The following SNX1 variants were observed in gnomAD, a reference collection of about 807,000 sequenced individuals.
SNX1 encodes the protein sorting nexin 1.
A neutral mutation model predicts 71.8 loss-of-function variants in SNX1; 36 were observed. The observed-to-expected ratio is 0.50, with a 90% CI of 0.38 to 0.66. The LOEUF is 0.66. SNX1 is among the 30% of genes least tolerant of loss of function. The pLI is 0.00. For synonymous variants in SNX1, 254 were observed against 240.7 expected, an observed-to-expected ratio of 1.06 and a Z score of -0.51; for missense variants, 612 against 646.7, an observed-to-expected ratio of 0.95 and a Z score of 0.58.
At chr15:64,121,640 A>G (rs967005542) in intron 4 of SNX1, among the ~76,000 whole-genome samples, 4 of 152,288 alleles carry the variant, frequency 2.6e-5, no homozygotes, top group South Asian at 2.1e-4. Flanking sequence ...AAATGTACCT[A>G]TTTTGAAGGG....
intron 12 of SNX1, among the ~76,000 whole-genome samples, chr15:64,135,564 T>C (rs915140527): frequency 6.6e-6 from 1 of 151,024 alleles, no homozygotes; most frequent in Non-Finnish European, 1.5e-5. Flanking sequence ...GAGACCATCT[T>C]GGCCAACATG....
intron 1 of SNX1, among the ~76,000 whole-genome samples, chr15:64,108,465 G>A (rs745672201): frequency 2.0e-5 from 3 of 152,036 alleles, no homozygotes; most frequent in Admixed American, 6.6e-5. Context: ...CTCAAATCTC[G>A]TGGAAGACTT....
intron 1 of SNX1, 71 bp downstream of exon 1, chr15:64,096,243 G>C: frequency 6.6e-7 from 1 of 1,508,708 alleles, no homozygotes; most frequent in South Asian, 1.2e-5. Flanking sequence ...AGCGAGAATC[G>C]GGGAGGTTGG....
chr15:64,100,437 T>G (rs1180953244), intron 1 of SNX1, among the ~76,000 whole-genome samples: 1 of 151,920 alleles, frequency 6.6e-6, no homozygotes, highest in Non-Finnish European at 1.5e-5. Flanking sequence ...CTGTTTCTAC[T>G]AAAAACACAA....
chr15:64,104,002 A>G (rs2080991404), intron 1 of SNX1, among the ~76,000 whole-genome samples: 1 of 152,216 alleles, frequency 6.6e-6, no homozygotes, highest in South Asian at 2.1e-4. Context: ...ACATACATCA[A>G]GTGGTCACAT....
At position 64,137,815 on chromosome 15, in the gene SNX1, G is replaced by T. The variant is rs2081374977; in HGVS notation, c.*197G>T. On this transcript the variant is annotated 3_prime_UTR_variant, in exon 15 of 15. Transcript: ENST00000559844. ...TCCATATATATTTTCTTACCTAAGAGAATAGTTTCCTGCTTTAAGCAAAAG... is the reference window on the plus strand; with the variant it reads ...TCCATATATATTTTCTTACCTAAGATAATAGTTTCCTGCTTTAAGCAAAAG... 3 of 1,422,000 alleles carry T rather than the reference G, an allele frequency of 2.1e-6. No individual in the cohort carries two copies. Among genetic ancestry groups the T allele is most frequent in the Middle Eastern group, 1.8e-4 (1 of 5,458 alleles). The allele number at this position is 1,422,000 out of a possible 1,614,324, so 88.1% of individuals were successfully genotyped here. A position where few individuals can be genotyped will look rare whatever the true frequency, so the allele number is the denominator to read the frequency against.
In SNX1 at chr15:64,142,579, A is replaced by G; in HGVS notation, c.*4961A>G. 2.2e-6 allele frequency: 1 copy of G among 454,466 alleles called. No individual in the cohort carries two copies. The highest frequency in any genetic ancestry group is 1.6e-5 in the South Asian group (1 of 64,408). 28.2% of individuals were successfully genotyped at this position (454,466 alleles called of 1,614,324 possible). ...AGGAAAGAATCTGTAGGTGGAGGGGAGGCCGAAGAGGGGAAGTTTCATGCT... is the reference window on the plus strand; with the variant it reads ...AGGAAAGAATCTGTAGGTGGAGGGGGGGCCGAAGAGGGGAAGTTTCATGCT... On this transcript the variant is annotated 3_prime_UTR_variant, in exon 15 of 15. Transcript: ENST00000559844.
chr15:64,134,866 G>A lies in SNX1; in HGVS notation c.1365+59G>A. 3.1e-6 allele frequency: 5 copies of A among 1,594,884 alleles called. No individual in the cohort carries two copies. Among genetic ancestry groups the A allele is most frequent in the Non-Finnish European group, 4.3e-6 (5 of 1,170,346 alleles). On this transcript the variant is annotated intron_variant, in intron 12 of 14. Transcript: ENST00000559844. The surrounding 1 kb of genome is among the most constrained non-coding windows in gnomAD (Gnocchi z 4.1). ...TCTGCTGGTTCCAAATGAACCCAGG[G>A]CCCATCCCACCCAGAGGTTTGGAAC...
chr15:64,140,976 AAAGAGAT>A lies in SNX1; in HGVS notation c.*3359_*3365del, dbSNP rs2081406088. 8.6e-5 allele frequency: 1 copy of A among 11,584 alleles called. No homozygotes were observed. Among genetic ancestry groups the A allele is most frequent in the African/African-American group, 3.4e-4 (1 of 2,914 alleles). The allele number at this position is 11,584 out of a possible 1,614,324, so 0.7% of individuals were successfully genotyped here. The stretch of plus-strand genomic sequence containing the variant: ...CCTCTAGGCTCTCACCATACAGTGC[AAAGAGAT>A]GATAGATAGATAGATAGATAGATAG... On this transcript the variant is annotated 3_prime_UTR_variant, in exon 15 of 15. Transcript: ENST00000559844.
At chr15:64,121,359 C>G (rs1358821291) in intron 4 of SNX1, among the ~76,000 whole-genome samples, 7 of 152,216 alleles carry the variant, frequency 4.6e-5, no homozygotes, top group Non-Finnish European at 8.8e-5. Context: ...GTTCATGCCT[C>G]TCTCCCAGCT....
intron 10 of SNX1, 91 bp from the exon 11 acceptor site, chr15:64,131,596 G>C: frequency 2.5e-6 from 3 of 1,217,282 alleles, no homozygotes; most frequent in Non-Finnish European, 3.6e-6. Flanking sequence ...GCAGTGGGCG[G>C]CATTGCTAAG....
intron 5 of SNX1, among the ~76,000 whole-genome samples, chr15:64,125,541 A>G (rs1447579607): frequency 6.7e-6 from 1 of 149,570 alleles, no homozygotes; most frequent in Non-Finnish European, 1.5e-5. Flanking sequence ...GCTACTTGGG[A>G]GGCTGAGGTG....
intron 1 of SNX1, among the ~76,000 whole-genome samples, chr15:64,107,745 G>GAAAAA (rs71287033): frequency 1.4e-5 from 2 of 145,412 alleles, no homozygotes. Flanking sequence ...CTGCGAAAAG[G>GAAAAA]AAAAAAAAAA....
At chr15:64,123,351 G>T (rs1307439096) in intron 4 of SNX1, 152 bp from the exon 5 acceptor site, 18 of 675,676 alleles carry the variant, frequency 2.7e-5, no homozygotes, top group Non-Finnish European at 5.2e-6. Flanking sequence ...GTAGGAACTG[G>T]ATTCTAAGAT....
chr15:64,117,362 C>A (rs1217428891), intron 2 of SNX1, among the ~76,000 whole-genome samples: 2 of 151,958 alleles, frequency 1.3e-5, no homozygotes, highest in Non-Finnish European at 2.9e-5. Flanking sequence ...TCAAACAATT[C>A]TCCTGCCTCA....
Position 64,129,902 on chromosome 15 carries a change from T to C in SNX1, c.808-14T>C. 3 of 1,602,734 alleles carry C rather than the reference T, an allele frequency of 1.9e-6. No homozygotes were observed. The highest frequency in any genetic ancestry group is 2.6e-6 in the Non-Finnish European group (3 of 1,169,726). Reference sequence around the variant, plus strand: ...AGCAGATAACTTGCCATCCCTGCCTTCTTGGTCTTGTAGCTGCCACGTGCC... The same window carrying C: ...AGCAGATAACTTGCCATCCCTGCCTCCTTGGTCTTGTAGCTGCCACGTGCC... On this transcript the variant is annotated splice_polypyrimidine_tract_variant and intron_variant, in intron 8 of 14. Coordinates refer to ENST00000559844, the MANE Select transcript of SNX1 (RefSeq NM_003099.5). This position sits in a 1 kb window ranked among gnomAD's most constrained non-coding sequence, Gnocchi z 4.4.
intron 10 of SNX1, among the ~76,000 whole-genome samples, chr15:64,130,560 A>C (rs939804830): frequency 6.6e-6 from 1 of 152,216 alleles, no homozygotes; most frequent in Non-Finnish European, 1.5e-5. Context: ...GCCATCCCAG[A>C]TACAGCATGA....
In SNX1 at chr15:64,129,121, C is replaced by T. The variant is rs2081281929; in HGVS notation, c.808-795C>T. Among the ~76,000 whole-genome samples, 1 of 151,860 alleles carries T rather than the reference C, an allele frequency of 6.6e-6. No individual in the cohort carries two copies. The highest frequency in any genetic ancestry group is 2.1e-4 in the South Asian group (1 of 4,816). On this transcript the variant is annotated intron_variant, in intron 8 of 14. Transcript: ENST00000559844. The surrounding 1 kb of genome is among the most constrained non-coding windows in gnomAD (Gnocchi z 4.4). ...AATTAGCGGGTCGTGGTGGCGGGCA[C>T]CTATAATCCCAGCTACTTGGGAGGC...
chr15:64,121,619 G>T (rs1442441000), intron 4 of SNX1, among the ~76,000 whole-genome samples: 6 of 152,222 alleles, frequency 3.9e-5, no homozygotes, highest in Non-Finnish European at 5.9e-5. Flanking sequence ...GGAACTGGGA[G>T]TTAGAACGTA....
Sources: gnomAD v4.1 joint callset for allele counts (sites outside exome capture counted in the v4.1 genomes callset) on GRCh38, gnomAD v4.1.1 for gene constraint, Gnocchi (gnomAD v3.1) non-coding constraint, MANE v1.5 for transcripts, NCBI Gene and HGNC (gene_info 2026-07-23, HGNC 2026-07-21) for gene names.